DLC1: variants seen among roughly 807,000 people sequenced by gnomAD.
DLC1 encodes rho GTPase-activating protein 7.
In DLC1, 54 loss-of-function variants were observed where a neutral mutation model predicts 140.3. That is an observed-to-expected ratio of 0.38 (90% CI 0.31 to 0.48). The LOEUF (loss-of-function observed/expected upper bound fraction) is 0.48. Among genes scored for constraint, DLC1 ranks in the 20% least tolerant of loss-of-function variants. DLC1 has a pLI of 0.96. For synonymous variants in DLC1, 986 were observed against 728.1 expected (o/e 1.35, Z -5.70); for missense variants, 2,536 against 1,907.0 (o/e 1.33, Z -6.14).
intron 5 of DLC1, among the ~76,000 whole-genome samples, chr8:13,133,726 C>T (rs1822338471): frequency 1.3e-5 from 2 of 151,944 alleles, no homozygotes; most frequent in Admixed American, 1.3e-4. Flanking sequence ...CCTTGAGCGT[C>T]CCTTCTTTTT....
chr8:13,480,118 T>A (rs573749509), intron 2 of DLC1, among the ~76,000 whole-genome samples: 24 of 152,242 alleles, frequency 1.6e-4, no homozygotes, highest in African/African-American at 5.8e-4. Context: ...GTGTGACATA[T>A]AGATCTTCTA....
At chr8:13,544,196 AAACACACACAC>A (rs1803579406) in intron 1 of DLC1, among the ~76,000 whole-genome samples, 1 of 129,900 alleles carries the variant, frequency 7.7e-6, no homozygotes, top group South Asian at 2.5e-4. Flanking sequence ...ACACACACAC[AAACACACACAC>A]ACACACACAC....
At chr8:13,174,093 T>C (rs747604580) in intron 5 of DLC1, among the ~76,000 whole-genome samples, 1 of 152,142 alleles carries the variant, frequency 6.6e-6, no homozygotes, top group Non-Finnish European at 1.5e-5. Flanking sequence ...AGGGCCCACT[T>C]ATGAGTGGGG....
chr8:13,529,681 G>C (rs1008159393), intron 1 of DLC1, among the ~76,000 whole-genome samples: 1 of 152,118 alleles, frequency 6.6e-6, no homozygotes, highest in Non-Finnish European at 1.5e-5. Flanking sequence ...CCTCCGAATG[G>C]AAGAAAGCAA....
intron 5 of DLC1, among the ~76,000 whole-genome samples, chr8:13,190,305 T>C (rs573789036): frequency 3.9e-5 from 6 of 152,202 alleles, no homozygotes; most frequent in Admixed American, 2.0e-4. Context: ...GAGATATCTA[T>C]GGGGTGCCTC....
intron 1 of DLC1, among the ~76,000 whole-genome samples, chr8:13,504,548 A>C (rs1801969332): frequency 6.6e-6 from 1 of 152,360 alleles, no homozygotes; most frequent in Admixed American, 6.5e-5. Context: ...CAGAAAGAAC[A>C]ATAGACCACG....
intron 5 of DLC1, among the ~76,000 whole-genome samples, chr8:13,257,570 T>C (rs1586018159): frequency 6.6e-6 from 1 of 152,130 alleles, no homozygotes; most frequent in Non-Finnish European, 1.5e-5. Flanking sequence ...TGAGAATGTA[T>C]GAGCTGATTA....
intron 1 of DLC1, among the ~76,000 whole-genome samples, chr8:13,560,829 G>A (rs1387487993): frequency 6.6e-6 from 1 of 152,084 alleles, no homozygotes; most frequent in Non-Finnish European, 1.5e-5. Flanking sequence ...AACATCATGA[G>A]AACGTGAAGA....
intron 5 of DLC1, among the ~76,000 whole-genome samples, chr8:13,300,455 A>G (rs976673880): frequency 6.6e-6 from 1 of 152,202 alleles, no homozygotes. Flanking sequence ...GTAAATCTAC[A>G]TTGAACTTAA....
chr8:13,278,476 A>G (rs1284083809), intron 5 of DLC1, among the ~76,000 whole-genome samples: 1 of 152,210 alleles, frequency 6.6e-6, no homozygotes, highest in East Asian at 1.9e-4. Flanking sequence ...ATAAGACCTC[A>G]ACTCTGTCTT....
chr8:13,293,833 T>A (rs991707952), intron 5 of DLC1, among the ~76,000 whole-genome samples: 2 of 149,726 alleles, frequency 1.3e-5, no homozygotes, highest in Admixed American at 1.3e-4. Context: ...TAAAATATAA[T>A]TGAGAGGAAA....
chr8:13,351,159 T>C (rs11776015), intron 4 of DLC1, among the ~76,000 whole-genome samples: 20,843 of 152,302 alleles, frequency 0.14, 1,596 homozygotes, highest in Middle Eastern at 0.17. Context: ...AGGCTATTTA[T>C]TCAGCAAACA....
At chr8:13,198,378 T>C (rs1208325587) in intron 5 of DLC1, among the ~76,000 whole-genome samples, 1 of 152,210 alleles carries the variant, frequency 6.6e-6, no homozygotes, top group African/African-American at 2.4e-5. Context: ...GTTCCAGATA[T>C]TACCTCTCCC....
chr8:13,179,939 CT>C (rs1825948793), intron 5 of DLC1, among the ~76,000 whole-genome samples: 2 of 152,064 alleles, frequency 1.3e-5, no homozygotes, highest in South Asian at 4.1e-4. Context: ...GCATTGCTAC[CT>C]CTTCAAATAG....
At chr8:13,097,309 T>A (rs1330150959) in intron 10 of DLC1, among the ~76,000 whole-genome samples, 2 of 151,942 alleles carry the variant, frequency 1.3e-5, no homozygotes, top group Non-Finnish European at 2.9e-5. Context: ...TCACCCAGGC[T>A]GGAGTGCAGT....
In DLC1 at chr8:13,085,325, C is replaced by A. The variant is rs1817464411; in HGVS notation, c.*486G>T. ...CTGAATCCACCTTAGACATCTATTG[C>A]CATTCAGCCAGCAACAAACACACAT... On this transcript the variant is annotated 3_prime_UTR_variant, in exon 18 of 18. Transcript: ENST00000276297. The A allele has an allele frequency of 6.5e-6, 1 of 153,174 alleles. No homozygotes were observed. The highest frequency in any genetic ancestry group is 2.4e-5 in the African/African-American group (1 of 41,432). The allele number at this position is 153,174 out of a possible 1,614,324, so 9.5% of individuals were successfully genotyped here.
chr8:13,159,779 G>A (rs1190140988), intron 5 of DLC1, among the ~76,000 whole-genome samples: 1 of 151,736 alleles, frequency 6.6e-6, no homozygotes, highest in Non-Finnish European at 1.5e-5. Context: ...CTTCCAGGGA[G>A]TGTGTGAATC....
At chr8:13,397,529 TAATTA>T (rs1473898647) in intron 3 of DLC1, among the ~76,000 whole-genome samples, 4 of 152,116 alleles carry the variant, frequency 2.6e-5, no homozygotes, top group South Asian at 2.1e-4. Context: ...CAATAACCAA[TAATTA>T]AATTAAGAAA....
intron 5 of DLC1, among the ~76,000 whole-genome samples, chr8:13,242,540 T>G (rs1212402152): frequency 6.6e-6 from 1 of 152,064 alleles, no homozygotes; most frequent in Non-Finnish European, 1.5e-5. Flanking sequence ...GGACTACAAG[T>G]GCATGCCACT....
Sources: gnomAD v4.1 joint callset for allele counts (sites outside exome capture counted in the v4.1 genomes callset) on GRCh38, gnomAD v4.1.1 for gene constraint, MANE v1.5 for transcripts, NCBI Gene and HGNC (gene_info 2026-07-23, HGNC 2026-07-21) for gene names.